EFHD1: variants seen among roughly 807,000 people sequenced by gnomAD.
EFHD1 encodes EF-hand domain-containing protein D1.
EFHD1 carries 10 observed loss-of-function variants against 17.2 expected under a neutral mutation model. The ratio of observed to expected loss-of-function variants is 0.58; its 90% CI spans 0.36 to 0.99. The LOEUF (loss-of-function observed/expected upper bound fraction) is 0.99. EFHD1 is among the 50% of genes least tolerant of loss of function. The pLI, the probability that EFHD1 is intolerant of heterozygous loss-of-function variation, is 0.01. For synonymous variants in EFHD1, 153 were observed against 142.0 expected (o/e 1.08, Z -0.55); for missense variants, 310 against 327.5 (o/e 0.95, Z 0.41).
chr2:232,650,828 C>G (rs967471812), intron 1 of EFHD1, among the ~76,000 whole-genome samples: 7 of 151,850 alleles, frequency 4.6e-5, no homozygotes, highest in Non-Finnish European at 8.8e-5. Context: ...CTCAGCCTCC[C>G]AAAGTGCTGG....
At chr2:232,628,801 C>T (rs1694150688), upstream of EFHD1, among the ~76,000 whole-genome samples, 1 of 152,208 alleles carries the variant, frequency 6.6e-6, no homozygotes, top group Non-Finnish European at 1.5e-5. Flanking sequence ...TGATCCCTCT[C>T]CTCGAACTAT....
chr2:232,680,415 CAGAT>C (rs1208293957), intron 3 of EFHD1, among the ~76,000 whole-genome samples: 4 of 152,080 alleles, frequency 2.6e-5, no homozygotes, highest in African/African-American at 7.2e-5. Context: ...TTAAAATACT[CAGAT>C]GGCACCAAAT....
At chr2:232,652,931 G>A (rs911859582) in intron 1 of EFHD1, among the ~76,000 whole-genome samples, 1 of 152,126 alleles carries the variant, frequency 6.6e-6, no homozygotes, top group Admixed American at 6.5e-5. Context: ...GAGAGGGGGT[G>A]CCACTGATGT....
intron 3 of EFHD1, among the ~76,000 whole-genome samples, chr2:232,677,347 A>T (rs910897805): frequency 7.9e-5 from 12 of 152,084 alleles, no homozygotes; most frequent in African/African-American, 2.7e-4. Flanking sequence ...TAATATTATC[A>T]GAGTTACCTG....
At position 232,662,920 on chromosome 2, in the gene EFHD1, G is replaced by A. The variant is rs201221456; in HGVS notation, c.421G>A (p.Asp141Asn). The change falls in exon 2 of 4, where the codon GAC becomes AAC. Residue 141 changes from aspartate (D) to asparagine (N), a missense_variant. Coordinates refer to ENST00000264059, the MANE Select transcript of EFHD1 (RefSeq NM_025202.4). ...LKSMIKEVDE[D>N]FDGKLSFREF... The stretch of plus-strand genomic sequence containing the variant: ...GAGCATGATCAAGGAGGTGGATGAG[G>A]ACTTCGATGGCAAGCTCAGCTTCCG... 1 of 1,591,352 alleles carries A rather than the reference G, an allele frequency of 6.3e-7. No individual in the cohort carries two copies. Among genetic ancestry groups the A allele is most frequent in the African/African-American group, 1.4e-5 (1 of 73,492 alleles).
chr2:232,631,136 T>A (rs186553567), upstream of EFHD1, among the ~76,000 whole-genome samples: 681 of 151,784 alleles, frequency 4.5e-3, 25 homozygotes, highest in East Asian at 0.076. Context: ...CTGAGGCAGG[T>A]GAATCGCTTG....
chr2:232,654,416 CTTTTTTTTT>C (rs539954632), intron 1 of EFHD1, among the ~76,000 whole-genome samples: 3 of 94,596 alleles, frequency 3.2e-5, no homozygotes, highest in Non-Finnish European at 4.1e-5. Context: ...TTCTTTCTTT[CTTTTTTTTT>C]TTTTTTTTTT....
intron 1 of EFHD1, among the ~76,000 whole-genome samples, chr2:232,616,447 C>T (rs1055196630): frequency 3.3e-5 from 5 of 152,064 alleles, no homozygotes; most frequent in South Asian, 2.1e-4. Context: ...TACAGGCACA[C>T]GCCACCACAC....
Position 232,682,571 on chromosome 2 carries a change from T to G in EFHD1, c.*852T>G, listed in dbSNP as rs1352892093. On this transcript the variant is annotated 3_prime_UTR_variant, in exon 4 of 4. Coordinates refer to ENST00000264059, the MANE Select transcript of EFHD1 (RefSeq NM_025202.4). ...GGCCTTTCAAACATCCCCAAAGTCA[T>G]GGCCATACTCACCATTAGCCAGTTT... The G allele has an allele frequency of 6.6e-6, 1 of 152,226 alleles. No homozygotes were observed. The highest frequency in any genetic ancestry group is 1.5e-5 in the Non-Finnish European group (1 of 68,058). The allele number at this position is 152,226 out of a possible 1,614,324, so 9.4% of individuals were successfully genotyped here.
rs868594723 is a variant in EFHD1 at position 232,642,908 on chromosome 2, A to C, written c.302+8902A>C. Among the ~76,000 whole-genome samples, 9 of 152,328 alleles carry C rather than the reference A, an allele frequency of 5.9e-5. No homozygotes were observed. In the Middle Eastern group the frequency reaches 0.01, roughly 173 times the overall value. ...ATTACTTGGGAGGCCTTTGGCTCAAATGATGGAAAACTCTGCCCCAAACTC... is the reference window on the plus strand; with the variant it reads ...ATTACTTGGGAGGCCTTTGGCTCAACTGATGGAAAACTCTGCCCCAAACTC... On this transcript the variant is annotated intron_variant, in intron 1 of 3. Transcript: ENST00000264059.
At chr2:232,643,021 C>T (rs1234118653) in intron 1 of EFHD1, among the ~76,000 whole-genome samples, 1 of 152,202 alleles carries the variant, frequency 6.6e-6, no homozygotes, top group East Asian at 1.9e-4. Context: ...TTGCTGCTGT[C>T]ATCCAGGACT....
upstream of EFHD1, chr2:232,633,598 C>T: frequency 1.1e-5 from 14 of 1,305,766 alleles, no homozygotes; most frequent in Non-Finnish European, 1.3e-5. Context: ...TCCCCGCCGC[C>T]TCGGCGGAGT....
At chr2:232,625,489 A>G (rs1574704884) in intron 1 of EFHD1, among the ~76,000 whole-genome samples, 1 of 152,058 alleles carries the variant, frequency 6.6e-6, no homozygotes, top group Non-Finnish European at 1.5e-5. Context: ...AGATTTTTCA[A>G]CTTCCAACCC....
chr2:232,654,828 G>A (rs761496893), intron 1 of EFHD1, among the ~76,000 whole-genome samples: 10 of 152,156 alleles, frequency 6.6e-5, no homozygotes, highest in African/African-American at 2.4e-4. Context: ...CGCTAGCTCC[G>A]GCTTATGTGG....
At chr2:232,622,614 G>A (rs1357380106) in intron 1 of EFHD1, among the ~76,000 whole-genome samples, 1 of 144,786 alleles carries the variant, frequency 6.9e-6, no homozygotes, top group Non-Finnish European at 1.5e-5. Flanking sequence ...GGAGTAATGA[G>A]TGGGGCAGAT....
intron 1 of EFHD1, among the ~76,000 whole-genome samples, chr2:232,659,013 C>G (rs1463201642): frequency 6.6e-6 from 1 of 152,066 alleles, no homozygotes; most frequent in Non-Finnish European, 1.5e-5. Flanking sequence ...TTAAAGTGCT[C>G]ACAAACCGTC....
chr2:232,642,208 C>A (rs1030889204), intron 1 of EFHD1, among the ~76,000 whole-genome samples: 16 of 151,780 alleles, frequency 1.1e-4, no homozygotes, highest in Admixed American at 3.9e-4. Flanking sequence ...TATGGTGAAA[C>A]CCCGTCTCTA....
chr2:232,674,892 C>T (rs990438516), intron 3 of EFHD1, among the ~76,000 whole-genome samples: 3 of 151,958 alleles, frequency 2.0e-5, no homozygotes, highest in Non-Finnish European at 4.4e-5. Context: ...GCTGGAGAGG[C>T]GTCCCAATGT....
intron 1 of EFHD1, among the ~76,000 whole-genome samples, chr2:232,636,028 G>A (rs749678211): frequency 9.2e-5 from 14 of 152,150 alleles, no homozygotes; most frequent in Non-Finnish European, 1.5e-4. Flanking sequence ...AGGCGCTTAG[G>A]TGCTGCCATC....
Sources: gnomAD v4.1 joint callset for allele counts (sites outside exome capture counted in the v4.1 genomes callset) on GRCh38, gnomAD v4.1.1 for gene constraint, MANE v1.5 for transcripts, NCBI Gene and HGNC (gene_info 2026-07-23, HGNC 2026-07-21) for gene names.